NEGR1: variants seen among roughly 807,000 people sequenced by gnomAD.
NEGR1 encodes the protein neuronal growth regulator 1.
A neutral mutation model predicts 40.9 loss-of-function variants in NEGR1; 10 were observed. The ratio of observed to expected loss-of-function variants is 0.24; its 90% CI spans 0.15 to 0.42. The LOEUF is 0.42. NEGR1 is among the 10% of genes least tolerant of loss of function. The pLI is 1.00. For missense variants in NEGR1, 352 were observed against 438.9 expected (o/e 0.80, Z 1.77); for synonymous variants, 185 against 166.8 (o/e 1.11, Z -0.84).
chr1:71,776,418 T>C (rs1327779463), intron 2 of NEGR1, 121 bp from the exon 3 acceptor site: 3 of 452,534 alleles, frequency 6.6e-6, no homozygotes, highest in Non-Finnish European at 7.4e-6. Flanking sequence ...ATATGGCCTA[T>C]GGGCCTCACC....
In NEGR1 at chr1:71,875,625, C is replaced by A. The variant is rs139897958; in HGVS notation, c.409+59454G>T. Among the ~76,000 whole-genome samples, 1,123 of 152,266 alleles carry A rather than the reference C, an allele frequency of 7.4e-3. 19 individuals are homozygous for A. Among genetic ancestry groups the A allele is most frequent in the Non-Finnish European group, 6.5e-3 (441 of 68,010 alleles). On this transcript the variant is annotated intron_variant, in intron 2 of 6. Coordinates refer to ENST00000357731, the MANE Select transcript of NEGR1 (RefSeq NM_173808.3). ...GGGCTAGATTTAAGATGTTACCTTA[C>A]TCTTTCAGCCAGGCATCCCTGTGCA...
chr1:71,954,843 C>G (rs969484486), intron 1 of NEGR1, among the ~76,000 whole-genome samples: 1 of 152,030 alleles, frequency 6.6e-6, no homozygotes, highest in African/African-American at 2.4e-5. Context: ...CAGCCACACA[C>G]AGCTATGATC....
At chr1:72,046,549 C>T (rs530800743) in intron 1 of NEGR1, among the ~76,000 whole-genome samples, 1 of 151,558 alleles carries the variant, frequency 6.6e-6, no homozygotes, top group Non-Finnish European at 1.5e-5. Flanking sequence ...TGTTAGAATA[C>T]ATAAAAGCAG....
intron 2 of NEGR1, among the ~76,000 whole-genome samples, chr1:71,821,582 T>C (rs1472789986): frequency 1.3e-5 from 2 of 151,870 alleles, no homozygotes; most frequent in African/African-American, 4.8e-5. Flanking sequence ...CAGGCTAAGG[T>C]GCAACAGCCC....
chr1:71,524,624 T>G (rs1274728801), intron 6 of NEGR1, among the ~76,000 whole-genome samples: 2 of 151,424 alleles, frequency 1.3e-5, no homozygotes, highest in Non-Finnish European at 3.0e-5. Context: ...GTTTACGGAG[T>G]GATGACCATC....
chr1:72,070,106 C>T (rs1647400602), intron 1 of NEGR1, among the ~76,000 whole-genome samples: 1 of 151,618 alleles, frequency 6.6e-6, no homozygotes, highest in African/African-American at 2.4e-5. Context: ...AAATTAATAC[C>T]ATTGAAAATA....
chr1:71,777,598 T>A (rs559336385), intron 2 of NEGR1, among the ~76,000 whole-genome samples: 1 of 152,172 alleles, frequency 6.6e-6, no homozygotes, highest in African/African-American at 2.4e-5. Context: ...AAAATAAGAT[T>A]TTTACTGAAA....
intron 2 of NEGR1, among the ~76,000 whole-genome samples, chr1:71,869,096 C>T (rs1042827020): frequency 6.6e-6 from 1 of 152,098 alleles, no homozygotes; most frequent in African/African-American, 2.4e-5. Flanking sequence ...CATCTTTTAC[C>T]TGTTTATTTT....
intron 1 of NEGR1, among the ~76,000 whole-genome samples, chr1:72,206,002 G>T (rs1397824784): frequency 6.6e-6 from 1 of 150,570 alleles, no homozygotes; most frequent in Admixed American, 6.7e-5. Flanking sequence ...TGTCAAACAT[G>T]TAGCAAGTGG....
At chr1:72,047,310 G>A (rs1434282604) in intron 1 of NEGR1, among the ~76,000 whole-genome samples, 1 of 151,350 alleles carries the variant, frequency 6.6e-6, no homozygotes, top group Non-Finnish European at 1.5e-5. Context: ...CTCCTGTCAT[G>A]CAGCATGTAA....
intron 2 of NEGR1, among the ~76,000 whole-genome samples, chr1:71,903,486 T>C (rs969530660): frequency 7.2e-5 from 11 of 151,936 alleles, no homozygotes; most frequent in Non-Finnish European, 1.6e-4. Flanking sequence ...TAATGTCAGA[T>C]GTTGTTAGCT....
chr1:72,214,578 A>G (rs111991104), intron 1 of NEGR1, among the ~76,000 whole-genome samples: 1,990 of 152,216 alleles, frequency 0.013, 34 homozygotes, highest in African/African-American at 0.044. Flanking sequence ...AATAATAGAC[A>G]GAGAGCCAAA....
chr1:72,212,445 G>A (rs1329651478), intron 1 of NEGR1, among the ~76,000 whole-genome samples: 1 of 151,912 alleles, frequency 6.6e-6, no homozygotes, highest in Non-Finnish European at 1.5e-5. Context: ...AAGGTTGGTG[G>A]TGGGCAGCAG....
intron 6 of NEGR1, among the ~76,000 whole-genome samples, chr1:71,491,468 T>C (rs753639279): frequency 5.3e-5 from 8 of 151,756 alleles, no homozygotes; most frequent in Non-Finnish European, 1.2e-4. Flanking sequence ...AAGATGAAAA[T>C]AATGGAAGTG....
chr1:72,235,778 T>A (rs1469108963), intron 1 of NEGR1, among the ~76,000 whole-genome samples: 2 of 152,000 alleles, frequency 1.3e-5, no homozygotes, highest in Admixed American at 1.3e-4. Context: ...AATTGTGTGT[T>A]GAGATGTAAC....
At chr1:72,239,614 T>C (rs1464754121) in intron 1 of NEGR1, among the ~76,000 whole-genome samples, 1 of 151,682 alleles carries the variant, frequency 6.6e-6, no homozygotes, top group Non-Finnish European at 1.5e-5. Context: ...TTCAAGAAAA[T>C]TGCAAAGTTT....
At chr1:72,057,989 CAGTT>C (rs1008211439) in intron 1 of NEGR1, among the ~76,000 whole-genome samples, 48 of 151,494 alleles carry the variant, frequency 3.2e-4, no homozygotes, top group Admixed American at 1.7e-3. Context: ...TGAGGGATCA[CAGTT>C]AGGTCCCTGG....
At chr1:71,997,840 C>A (rs968120785) in intron 1 of NEGR1, among the ~76,000 whole-genome samples, 1 of 151,908 alleles carries the variant, frequency 6.6e-6, no homozygotes, top group African/African-American at 2.4e-5. Context: ...TATAAAATTA[C>A]ATTTAGTCTA....
intron 6 of NEGR1, among the ~76,000 whole-genome samples, chr1:71,462,878 T>A (rs1646723010): frequency 6.6e-6 from 1 of 152,162 alleles, no homozygotes; most frequent in Non-Finnish European, 1.5e-5. Flanking sequence ...TTTGTGTTTA[T>A]AGTTACATTT....
Sources: gnomAD v4.1 joint callset for allele counts (sites outside exome capture counted in the v4.1 genomes callset) on GRCh38, gnomAD v4.1.1 for gene constraint, MANE v1.5 for transcripts, NCBI Gene and HGNC (gene_info 2026-07-23, HGNC 2026-07-21) for gene names.